The following OPCML variants were observed in gnomAD, a reference collection of about 807,000 sequenced individuals.
The protein encoded by OPCML is opioid binding protein/cell adhesion molecule like.
A neutral mutation model predicts 37.8 loss-of-function variants in OPCML; 13 were observed. The ratio of observed to expected loss-of-function variants is 0.34; its 90% CI spans 0.22 to 0.55. The LOEUF is 0.55. OPCML is among the 20% of genes least tolerant of loss of function. OPCML has a pLI of 0.91. For synonymous variants in OPCML, 176 were observed against 168.8 expected, an observed-to-expected ratio of 1.04 and a Z score of -0.33; for missense variants, 341 against 435.6, an observed-to-expected ratio of 0.78 and a Z score of 1.93.
chr11:132,721,641 C>T (rs372090734), intron 2 of OPCML, among the ~76,000 whole-genome samples: 87 of 152,028 alleles, frequency 5.7e-4, no homozygotes, highest in African/African-American at 2.1e-3. Context: ...GATAAATGCA[C>T]GAGGGAAGTA....
intron 3 of OPCML, among the ~76,000 whole-genome samples, chr11:132,599,913 T>C (rs538038977): frequency 6.6e-6 from 1 of 152,302 alleles, no homozygotes; most frequent in African/African-American, 2.4e-5. Context: ...TTGGATAATC[T>C]CAATCAATGT....
chr11:133,021,428 G>C lies in OPCML; in HGVS notation c.62-78418C>G, dbSNP rs116559697. On this transcript the variant is annotated intron_variant, in intron 1 of 7. Coordinates refer to ENST00000524381, the MANE Select transcript of OPCML (RefSeq NM_001012393.5). ...CTGTTTCATAATCCAACTTTTCTGT[G>C]ATACACCCCAGTTCACAAGCCGAAG... Among the ~76,000 whole-genome samples, 907 of 152,062 alleles carry C rather than the reference G, an allele frequency of 6.0e-3. 6 individuals carry two copies. Among genetic ancestry groups the C allele is most frequent in the African/African-American group, 0.021 (858 of 41,490 alleles).
intron 1 of OPCML, among the ~76,000 whole-genome samples, chr11:133,506,730 A>G (rs1348410368): frequency 2.0e-5 from 3 of 152,252 alleles, no homozygotes; most frequent in African/African-American, 4.8e-5. Context: ...TCCTAGCCAC[A>G]TAAGCAGAAA....
chr11:132,849,378 C>T (rs1338986644), intron 2 of OPCML, among the ~76,000 whole-genome samples: 1 of 152,168 alleles, frequency 6.6e-6, no homozygotes, highest in Admixed American at 6.5e-5. Flanking sequence ...TAACTGTAGG[C>T]CCAGGCATTT....
At chr11:132,938,539 C>T (rs1672872231) in intron 2 of OPCML, among the ~76,000 whole-genome samples, 1 of 152,242 alleles carries the variant, frequency 6.6e-6, no homozygotes, top group Non-Finnish European at 1.5e-5. Context: ...AACTTGCACA[C>T]ATATGTTGCT....
chr11:132,656,560 T>C (rs1359039152), intron 3 of OPCML, among the ~76,000 whole-genome samples: 1 of 152,148 alleles, frequency 6.6e-6, no homozygotes, highest in East Asian at 1.9e-4. Context: ...GGATCTGGAC[T>C]TCATTGTCTG....
At position 132,943,745 on chromosome 11, in the gene OPCML, A is replaced by AGCC. The variant is rs1315315163; in HGVS notation, c.62-738_62-736dup. ...GCAGCCCGGTCGGCGACTCGCGGCC[A>AGCC]GCCGGGGGAGCGCCGCCCGGCGCAG... On this transcript the variant is annotated intron_variant, in intron 1 of 7. Transcript: ENST00000524381. The surrounding 1 kb of genome is among the most constrained non-coding windows in gnomAD (Gnocchi z 4.3). 11 of 150,932 alleles carry AGCC rather than the reference A, an allele frequency of 7.3e-5. No homozygotes were observed. The highest frequency in any genetic ancestry group is 1.5e-4 in the Non-Finnish European group (10 of 67,658). The allele number at this position is 150,932 out of a possible 1,614,324, so 9.3% of individuals were successfully genotyped here.
chr11:132,595,200 G>C (rs1398508926), intron 3 of OPCML, among the ~76,000 whole-genome samples: 1 of 152,076 alleles, frequency 6.6e-6, no homozygotes, highest in Non-Finnish European at 1.5e-5. Context: ...GAAAGGGGAG[G>C]GGGAGGTCGG....
At chr11:132,554,499 A>AAT (rs1169292163) in intron 3 of OPCML, among the ~76,000 whole-genome samples, 1 of 152,186 alleles carries the variant, frequency 6.6e-6, no homozygotes, top group Non-Finnish European at 1.5e-5. Flanking sequence ...CACACTTGTA[A>AAT]ATCTTCCCTT....
intron 1 of OPCML, among the ~76,000 whole-genome samples, chr11:133,378,319 A>G (rs1944859311): frequency 6.6e-6 from 1 of 152,206 alleles, no homozygotes; most frequent in South Asian, 2.1e-4. Flanking sequence ...GAAGCAGTGA[A>G]ATTACCACCC....
At chr11:132,880,015 G>A (rs948799541) in intron 2 of OPCML, among the ~76,000 whole-genome samples, 2 of 151,908 alleles carry the variant, frequency 1.3e-5, no homozygotes, top group African/African-American at 4.8e-5. Context: ...AGGTGTAATC[G>A]GCTCACTTCC....
At chr11:132,466,869 T>G (rs779289283) in intron 4 of OPCML, among the ~76,000 whole-genome samples, 5 of 152,202 alleles carry the variant, frequency 3.3e-5, no homozygotes, top group Non-Finnish European at 7.3e-5. Context: ...TAATTATGCA[T>G]GCACTTATGT....
intron 2 of OPCML, among the ~76,000 whole-genome samples, chr11:132,701,739 T>A (rs1943825388): frequency 2.6e-5 from 4 of 151,830 alleles, no homozygotes; most frequent in Admixed American, 2.6e-4. Flanking sequence ...CCTCCCTTGC[T>A]GCCTTTCTTT....
chr11:132,750,387 C>T (rs1945790985), intron 2 of OPCML, among the ~76,000 whole-genome samples: 2 of 152,160 alleles, frequency 1.3e-5, no homozygotes, highest in African/African-American at 4.8e-5. Context: ...GGGACAACCA[C>T]AGGAGGCAGG....
chr11:132,841,051 C>T (rs1260101691), intron 2 of OPCML, among the ~76,000 whole-genome samples: 1 of 152,164 alleles, frequency 6.6e-6, no homozygotes, highest in African/African-American at 2.4e-5. Flanking sequence ...AAAAAGAATA[C>T]CTATCCCATA....
intron 3 of OPCML, among the ~76,000 whole-genome samples, chr11:132,635,138 T>C (rs1940405673): frequency 6.6e-6 from 1 of 152,176 alleles, no homozygotes; most frequent in African/African-American, 2.4e-5. Context: ...TGGGTATAGA[T>C]TTATGATGGC....
chr11:133,215,086 C>T (rs1939527221), intron 1 of OPCML, among the ~76,000 whole-genome samples: 1 of 152,194 alleles, frequency 6.6e-6, no homozygotes, highest in Admixed American at 6.5e-5. Flanking sequence ...TCAATATCTC[C>T]ACCTTTTCAC....
intron 1 of OPCML, among the ~76,000 whole-genome samples, chr11:133,254,700 A>C (rs772254113): frequency 6.6e-6 from 1 of 152,178 alleles, no homozygotes; most frequent in Non-Finnish European, 1.5e-5. Flanking sequence ...GAGGAGTCAA[A>C]GATAAATGGA....
chr11:133,340,034 G>A (rs1943828500), intron 1 of OPCML, among the ~76,000 whole-genome samples: 1 of 152,086 alleles, frequency 6.6e-6, no homozygotes, highest in African/African-American at 2.4e-5. Context: ...AATCTTTGGT[G>A]CCCCATTTGT....
Sources: allele counts gnomAD v4.1 joint callset (sites outside exome capture counted in the v4.1 genomes callset), GRCh38; gene constraint gnomAD v4.1.1; non-coding constraint Gnocchi (gnomAD v3.1); transcripts MANE v1.5; gene names NCBI Gene and HGNC (gene_info 2026-07-23, HGNC 2026-07-21).